LRP1B: variants seen among roughly 807,000 people sequenced by gnomAD.
LRP1B encodes LDL receptor related protein 1B, also known as low-density lipoprotein receptor-related protein 1B.
A neutral mutation model predicts 556.6 loss-of-function variants in LRP1B; 217 were observed. That is an observed-to-expected ratio of 0.39 (90% CI 0.35 to 0.44). The LOEUF is 0.44. Ranked by LOEUF, LRP1B falls within the 20% of genes least tolerant of loss-of-function variation. The pLI is 1.00. For missense variants in LRP1B, 5,053 were observed against 5,620.8 expected, an observed-to-expected ratio of 0.90 and a Z score of 3.23; for synonymous variants, 2,047 against 1,865.8, an observed-to-expected ratio of 1.10 and a Z score of -2.50.
At chr2:141,776,362 G>A (rs867273736) in intron 2 of LRP1B, among the ~76,000 whole-genome samples, 2 of 152,138 alleles carry the variant, frequency 1.3e-5, no homozygotes, top group African/African-American at 2.4e-5. Context: ...GCATTTTGGC[G>A]AGAGCCACTC....
chr2:141,364,085 A>C (rs1009470980), intron 3 of LRP1B, among the ~76,000 whole-genome samples: 5 of 152,146 alleles, frequency 3.3e-5, no homozygotes, highest in African/African-American at 1.2e-4. Flanking sequence ...CTCAAGGGCA[A>C]GTACTCTTCT....
rs534866378 is a variant in LRP1B at position 141,610,614 on chromosome 2, G to T, written c.206-130081C>A. 2.6e-5 allele frequency among the ~76,000 whole-genome samples: 4 copies of T among 152,176 alleles called. No individual in the cohort carries two copies. The East Asian group carries it at 7.7e-4, about 29-fold the overall frequency. ...ATGGGTACCTCATTGCATCCTGCGC[G>T]TAACCTCGTGGTAACTCTTACTTGA... On this transcript the variant is annotated intron_variant, in intron 2 of 90. Transcript: ENST00000389484.
chr2:141,722,372 C>T (rs532530181), intron 2 of LRP1B, among the ~76,000 whole-genome samples: 2 of 152,072 alleles, frequency 1.3e-5, no homozygotes, highest in African/African-American at 4.8e-5. Flanking sequence ...AGTGAGACTC[C>T]ATCTTGGGGG....
intron 32 of LRP1B, among the ~76,000 whole-genome samples, chr2:140,810,471 TG>T (rs1690879207): frequency 8.7e-6 from 1 of 114,616 alleles, no homozygotes; most frequent in South Asian, 2.8e-4. Flanking sequence ...ACTTTTTCAT[TG>T]TTTTTTTTTA....
chr2:141,256,366 T>A (rs1484978288), intron 3 of LRP1B, among the ~76,000 whole-genome samples: 2 of 151,672 alleles, frequency 1.3e-5, no homozygotes, highest in South Asian at 4.2e-4. Context: ...TAATGCTTGA[T>A]GTAGTTAAAA....
intron 1 of LRP1B, among the ~76,000 whole-genome samples, chr2:142,038,273 A>G (rs1703953821): frequency 6.6e-6 from 1 of 151,590 alleles, no homozygotes; most frequent in South Asian, 2.1e-4. Context: ...ATGCAATGAT[A>G]CAGTGGGTTT....
intron 1 of LRP1B, among the ~76,000 whole-genome samples, chr2:141,995,804 A>G (rs910523122): frequency 2.0e-5 from 3 of 152,196 alleles, no homozygotes; most frequent in African/African-American, 7.2e-5. Context: ...TAAGACTTTT[A>G]TTCTGTGGAA....
chr2:140,596,729 C>T (rs540307), intron 43 of LRP1B, among the ~76,000 whole-genome samples: 12,863 of 152,212 alleles, frequency 0.085, 810 homozygotes, highest in African/African-American at 0.17. Context: ...GAAGTGAGAT[C>T]ACCAGGGGTA....
intron 83 of LRP1B, among the ~76,000 whole-genome samples, chr2:140,301,025 C>T (rs1007454158): frequency 2.0e-5 from 3 of 151,968 alleles, no homozygotes; most frequent in African/African-American, 7.2e-5. Flanking sequence ...TATGTTTTAT[C>T]TCTATTATTT....
chr2:141,464,947 T>C (rs1219645307), intron 3 of LRP1B, among the ~76,000 whole-genome samples: 1 of 150,274 alleles, frequency 6.7e-6, no homozygotes, highest in Admixed American at 6.6e-5. Flanking sequence ...TCAATAGCAA[T>C]AAAAAAAAGG....
Position 141,464,606 on chromosome 2 carries a change from A to ATATATATATATATTTT in LRP1B, c.343+15789_343+15790insAAAATATATATATATA. Among the ~76,000 whole-genome samples the ATATATATATATATTTT allele has an allele frequency of 2.2e-4, 20 of 90,542 alleles. 1 individual carries two copies. The highest frequency in any genetic ancestry group is 4.3e-4 in the African/African-American group (10 of 23,372). The allele number at this position is 90,542 out of a possible 152,430, so 59.4% of individuals were successfully genotyped here. On this transcript the variant is annotated intron_variant, in intron 3 of 90. Transcript: ENST00000389484. Reference sequence around the variant, plus strand: ...TTTGTATATATATATATATATATATATTTTTTTAGTAGAGATGGGGTTTCA... The same window carrying ATATATATATATATTTT: ...TTTGTATATATATATATATATATATATATATATATATATTTTTTTTTTTAGTAGAGATGGGGTTTCA...
chr2:141,624,036 C>CCAAAAAAA (rs1688609009), intron 2 of LRP1B, among the ~76,000 whole-genome samples: 1 of 90,758 alleles, frequency 1.1e-5, no homozygotes, highest in Non-Finnish European at 2.1e-5. Flanking sequence ...AAAAATTAAA[C>CCAAAAAAA]AAAAAAAAAA....
chr2:141,717,535 C>T (rs1384339521), intron 2 of LRP1B, among the ~76,000 whole-genome samples: 1 of 152,102 alleles, frequency 6.6e-6, no homozygotes, highest in African/African-American at 2.4e-5. Flanking sequence ...ATGGAAACAA[C>T]AGTTAAAGCT....
At chr2:141,937,784 T>G (rs1700680856) in intron 1 of LRP1B, among the ~76,000 whole-genome samples, 1 of 152,164 alleles carries the variant, frequency 6.6e-6, no homozygotes, top group Non-Finnish European at 1.5e-5. Context: ...GTCAAGAAGC[T>G]TATCCTCTAT....
At chr2:141,369,381 G>A (rs1689148950) in intron 3 of LRP1B, among the ~76,000 whole-genome samples, 1 of 152,042 alleles carries the variant, frequency 6.6e-6, no homozygotes, top group African/African-American at 2.4e-5. Context: ...CAAGATTCAT[G>A]TTGTCTTCAT....
At chr2:142,086,707 C>T (rs929077793) in intron 1 of LRP1B, among the ~76,000 whole-genome samples, 1 of 151,516 alleles carries the variant, frequency 6.6e-6, no homozygotes, top group African/African-American at 2.4e-5. Context: ...CGAGGCTCTC[C>T]GATAAATTTG....
In LRP1B at chr2:140,371,202, C is replaced by T. The variant is rs758325905; in HGVS notation, c.10852G>A (p.Asp3618Asn). Residue 3618 changes from aspartate to asparagine, a missense_variant, in exon 70 of 91, where the codon GAT becomes AAT. Physicochemically the swap from Asp to Asn is conservative, Grantham distance 23 (BLOSUM62 1). Around this residue, in one of 5 missense-constraint regions of LRP1B, gnomAD observed 599 missense variants for 648.4 expected, o/e 0.92. Transcript: ENST00000389484. ...SASLKCNGEY[D>N]CADGSDEMDC... is the part of the protein sequence containing the mutation. ...ACCTCATCTGAACCATCAGCACAAT[C>T]ATATTCTCCATTACATTTCAAAGAT... The T allele has an allele frequency of 1.3e-6, 2 of 1,593,572 alleles. No homozygotes were observed. Among genetic ancestry groups the T allele is most frequent in the Non-Finnish European group, 1.7e-6 (2 of 1,169,826 alleles).
intron 1 of LRP1B, among the ~76,000 whole-genome samples, chr2:141,852,678 T>G (rs530860329): frequency 1.1e-4 from 16 of 151,782 alleles, no homozygotes; most frequent in Admixed American, 2.0e-4. Context: ...TAAAACAGCA[T>G]TTCGAGTAAT....
chr2:141,091,192 A>G (rs1277250362), intron 7 of LRP1B, among the ~76,000 whole-genome samples: 2 of 152,114 alleles, frequency 1.3e-5, no homozygotes, highest in Non-Finnish European at 1.5e-5. Flanking sequence ...GAGCAAAGCC[A>G]GTAATGGAGG....
Sources: allele counts gnomAD v4.1 joint callset (sites outside exome capture counted in the v4.1 genomes callset), GRCh38; gene constraint gnomAD v4.1.1; regional missense constraint gnomAD v4.1.1; transcripts MANE v1.5; gene names NCBI Gene and HGNC (gene_info 2026-07-23, HGNC 2026-07-21).